Variants in ANO3 observed in about 807,000 individuals in gnomAD.
ANO3 encodes anoctamin 3.
In ANO3, 99 loss-of-function variants were observed where a neutral mutation model predicts 144.8. The ratio of observed to expected loss-of-function variants is 0.68; its 90% CI spans 0.58 to 0.81. The LOEUF is 0.81. Among genes scored for constraint, ANO3 ranks in the 30% least tolerant of loss-of-function variants. The pLI, the probability that ANO3 is intolerant of heterozygous loss-of-function variation, is 0.00. For missense variants in ANO3, 905 were observed against 1,202.2 expected (o/e 0.75, Z 3.66); for synonymous variants, 414 against 392.6 (o/e 1.05, Z -0.64).
intron 1 of ANO3, among the ~76,000 whole-genome samples, chr11:26,370,260 G>A (rs954624728): frequency 5.3e-5 from 8 of 152,212 alleles, no homozygotes; most frequent in Admixed American, 3.9e-4. Flanking sequence ...TGGGGCTTTC[G>A]CCTTCGCTCA....
intron 1 of ANO3, among the ~76,000 whole-genome samples, chr11:26,289,189 G>T (rs1398700806): frequency 1.3e-5 from 2 of 151,010 alleles, no homozygotes; most frequent in African/African-American, 2.4e-5. Flanking sequence ...ATAATGACAG[G>T]CAAAAAAAAA....
At chr11:26,566,998 C>T in intron 14 of ANO3, 1 of 1,357,610 alleles carries the variant, frequency 7.4e-7, no homozygotes, top group East Asian at 2.6e-5. Context: ...AATAATATAT[C>T]TATAGTGTCT....
intron 4 of ANO3, among the ~76,000 whole-genome samples, chr11:26,475,773 TG>T (rs1243769771): frequency 2.0e-5 from 3 of 152,130 alleles, no homozygotes; most frequent in Admixed American, 1.3e-4. Flanking sequence ...AAATTATCCT[TG>T]GACTTTTCTT....
At chr11:26,461,121 C>T (rs1426390984) in intron 3 of ANO3, among the ~76,000 whole-genome samples, 5 of 151,844 alleles carry the variant, frequency 3.3e-5, no homozygotes, top group Non-Finnish European at 5.9e-5. Context: ...AGCAAGCGAG[C>T]GAGCGCGAGA....
chr11:26,575,610 T>G (rs1368115557), intron 14 of ANO3, among the ~76,000 whole-genome samples: 1 of 152,162 alleles, frequency 6.6e-6, no homozygotes, highest in East Asian at 1.9e-4. Context: ...ATCATAACCT[T>G]TACGACTATT....
chr11:26,593,346 T>G (rs986853423), intron 14 of ANO3, among the ~76,000 whole-genome samples: 2 of 152,096 alleles, frequency 1.3e-5, no homozygotes, highest in Non-Finnish European at 2.9e-5. Context: ...TAGAAAGGCA[T>G]GTGAAAAGAG....
At chr11:26,192,349 G>A (rs1437543055) in intron 1 of ANO3, among the ~76,000 whole-genome samples, 4 of 152,020 alleles carry the variant, frequency 2.6e-5, no homozygotes, top group African/African-American at 9.7e-5. Flanking sequence ...ATGAAAATGA[G>A]GTGATAGCCA....
intron 3 of ANO3, among the ~76,000 whole-genome samples, chr11:26,451,275 G>A (rs942511417): frequency 2.0e-5 from 3 of 152,224 alleles, no homozygotes; most frequent in Admixed American, 6.5e-5. Context: ...GCCGAAGCAG[G>A]GCAAGGCATT....
chr11:26,318,058 TG>T (rs1854667984), intron 1 of ANO3, among the ~76,000 whole-genome samples: 1 of 131,468 alleles, frequency 7.6e-6, no homozygotes, highest in African/African-American at 2.5e-5. Flanking sequence ...AGTTGAACAA[TG>T]AGAACACATG....
intron 1 of ANO3, among the ~76,000 whole-genome samples, chr11:26,259,378 G>A (rs1218839158): frequency 6.6e-6 from 1 of 152,134 alleles, no homozygotes; most frequent in African/African-American, 2.4e-5. Context: ...GGCCAGGCAT[G>A]GTGGCTCACG....
chr11:26,211,709 G>T (rs887098968), intron 1 of ANO3, among the ~76,000 whole-genome samples: 4 of 152,100 alleles, frequency 2.6e-5, no homozygotes, highest in African/African-American at 9.7e-5. Context: ...TCCCATTACT[G>T]GATATATACC....
At chr11:26,423,450 T>G (rs926214145) in intron 1 of ANO3, among the ~76,000 whole-genome samples, 5 of 151,676 alleles carry the variant, frequency 3.3e-5, no homozygotes, top group Admixed American at 6.6e-5. Flanking sequence ...TGATTGAATA[T>G]CTGAATGAAT....
At chr11:26,482,316 C>G (rs551697089) in intron 4 of ANO3, among the ~76,000 whole-genome samples, 1 of 151,860 alleles carries the variant, frequency 6.6e-6, no homozygotes, top group East Asian at 1.9e-4. Flanking sequence ...TTTCTTGAAT[C>G]ATGTGGAATA....
chr11:26,520,015 C>T (rs936508612), intron 6 of ANO3, among the ~76,000 whole-genome samples: 7 of 152,122 alleles, frequency 4.6e-5, no homozygotes, highest in African/African-American at 1.7e-4. Context: ...TTGGCCTCTT[C>T]TCTTTTTCCT....
chr11:26,254,171 T>C (rs568505866), intron 1 of ANO3, among the ~76,000 whole-genome samples: 9 of 152,242 alleles, frequency 5.9e-5, no homozygotes, highest in African/African-American at 1.9e-4. Context: ...CGAGTACTTG[T>C]AGCATTTCCT....
At chr11:26,479,676 G>A (rs879936805) in intron 4 of ANO3, among the ~76,000 whole-genome samples, 2 of 152,140 alleles carry the variant, frequency 1.3e-5, no homozygotes, top group Non-Finnish European at 2.9e-5. Flanking sequence ...TTCAAGATGA[G>A]ATTCAGGTGG....
At chr11:26,486,699 G>T (rs1332610575) in intron 4 of ANO3, among the ~76,000 whole-genome samples, 2 of 152,060 alleles carry the variant, frequency 1.3e-5, no homozygotes, top group African/African-American at 2.4e-5. Flanking sequence ...CACTAAATTG[G>T]TATGTTTTCA....
At chr11:26,315,601 G>A (rs1854603153) in intron 1 of ANO3, among the ~76,000 whole-genome samples, 1 of 151,884 alleles carries the variant, frequency 6.6e-6, no homozygotes, top group African/African-American at 2.4e-5. Context: ...TCACTTTTAA[G>A]AGATATTCTC....
At chr11:26,335,869 TTG>T (rs1855179341) in intron 1 of ANO3, among the ~76,000 whole-genome samples, 1 of 152,214 alleles carries the variant, frequency 6.6e-6, no homozygotes, top group Non-Finnish European at 1.5e-5. Context: ...GCAGTGCCAG[TTG>T]TGTTTATGAA....
Sources: gnomAD v4.1 joint callset for allele counts (sites outside exome capture counted in the v4.1 genomes callset) on GRCh38, gnomAD v4.1.1 for gene constraint, MANE v1.5 for transcripts, NCBI Gene and HGNC (gene_info 2026-07-23, HGNC 2026-07-21) for gene names.